The following MBD5 variants were observed in gnomAD, a reference collection of about 807,000 sequenced individuals.
The protein encoded by MBD5 is methyl-CpG binding domain protein 5.
A neutral mutation model predicts 117.3 loss-of-function variants in MBD5; 13 were observed. The observed-to-expected ratio is 0.11, with a 90% CI of 0.07 to 0.18. MBD5 has a LOEUF of 0.18. Among genes scored for constraint, MBD5 ranks in the 10% least tolerant of loss-of-function variants. The pLI, the probability that MBD5 is intolerant of heterozygous loss-of-function variation, is 1.00. For missense variants in MBD5, 1,879 were observed against 2,093.8 expected (o/e 0.90, Z 2.00); for synonymous variants, 727 against 766.4 (o/e 0.95, Z 0.85).
At chr2:148,098,536 G>A (rs184294544) in intron 1 of MBD5, among the ~76,000 whole-genome samples, 2 of 152,160 alleles carry the variant, frequency 1.3e-5, no homozygotes, top group African/African-American at 4.8e-5. Context: ...GGTGTATGAC[G>A]GAGCCCGGTG....
At chr2:148,455,639 T>A (rs1706856949) in intron 4 of MBD5, among the ~76,000 whole-genome samples, 1 of 151,810 alleles carries the variant, frequency 6.6e-6, no homozygotes, top group Non-Finnish European at 1.5e-5. Flanking sequence ...ATTACTGAAA[T>A]GTGAGGGAAG....
intron 8 of MBD5, 135 bp downstream of exon 8, chr2:148,470,596 T>G (rs1680764979): frequency 1.4e-6 from 1 of 722,578 alleles, no homozygotes. Context: ...TCTTTAGTAT[T>G]TATAATTTTA....
chr2:148,387,610 C>A (rs530990705), intron 4 of MBD5, among the ~76,000 whole-genome samples: 4 of 151,634 alleles, frequency 2.6e-5, no homozygotes, highest in East Asian at 3.9e-4. Context: ...AAGGACATGA[C>A]AAATGAAAAT....
chr2:148,381,379 T>C (rs12463713), intron 4 of MBD5, among the ~76,000 whole-genome samples: 97,219 of 151,908 alleles, frequency 0.64, 31,412 homozygotes, highest in East Asian at 0.75. Context: ...CAATGGAAGA[T>C]GAAATGAATG....
intron 1 of MBD5, among the ~76,000 whole-genome samples, chr2:148,040,119 A>G (rs935389161): frequency 6.6e-5 from 10 of 152,150 alleles, no homozygotes; most frequent in Non-Finnish European, 1.2e-4. Flanking sequence ...CTGTGCACCA[A>G]ACTCCTGTGA....
At chr2:148,115,640 A>G (rs1696618112) in intron 1 of MBD5, among the ~76,000 whole-genome samples, 1 of 152,034 alleles carries the variant, frequency 6.6e-6, no homozygotes. Context: ...TACTAAGAAT[A>G]GTTACTATTT....
At chr2:148,356,887 C>CTCTCT (rs142203176) in intron 4 of MBD5, among the ~76,000 whole-genome samples, 1 of 150,864 alleles carries the variant, frequency 6.6e-6, no homozygotes, top group Non-Finnish European at 1.5e-5. Flanking sequence ...CACATTTTTT[C>CTCTCT]TCTTTTCTTT....
chr2:148,373,706 T>C (rs188906986), intron 4 of MBD5, among the ~76,000 whole-genome samples: 1 of 152,150 alleles, frequency 6.6e-6, no homozygotes, highest in East Asian at 1.9e-4. Flanking sequence ...GTAACATTTA[T>C]TAGAAGATTG....
At chr2:148,297,557 A>T (rs772425251) in intron 3 of MBD5, among the ~76,000 whole-genome samples, 9 of 152,148 alleles carry the variant, frequency 5.9e-5, no homozygotes, top group Non-Finnish European at 1.0e-4. Flanking sequence ...CCAGGGAACA[A>T]ACTGCTGTAG....
intron 10 of MBD5, among the ~76,000 whole-genome samples, chr2:148,487,897 G>A (rs1306491644): frequency 6.6e-6 from 1 of 152,230 alleles, no homozygotes; most frequent in Non-Finnish European, 1.5e-5. Context: ...TTTGAAGAAT[G>A]TAAGAGAAAT....
At chr2:148,188,739 A>C (rs374807688) in intron 2 of MBD5, among the ~76,000 whole-genome samples, 69 of 152,066 alleles carry the variant, frequency 4.5e-4, no homozygotes, top group African/African-American at 1.6e-3. Flanking sequence ...TTAAAAATAA[A>C]AGAACAGGGA....
chr2:148,458,896 T>A (rs1706969029), intron 5 of MBD5, 25 bp downstream of exon 5: 1 of 1,572,022 alleles, frequency 6.4e-7, no homozygotes, highest in African/African-American at 1.4e-5. Context: ...TTACCTGTGG[T>A]ACCTGCAAAG....
chr2:148,215,500 G>GTTTGTT (rs764459766), intron 2 of MBD5, among the ~76,000 whole-genome samples: 2 of 151,944 alleles, frequency 1.3e-5, no homozygotes, highest in Non-Finnish European at 2.9e-5. Context: ...TTGTTTGTTT[G>GTTTGTT]TTTGTTTTTG....
intron 3 of MBD5, among the ~76,000 whole-genome samples, chr2:148,259,864 C>T (rs562662885): frequency 3.3e-5 from 5 of 152,226 alleles, no homozygotes; most frequent in South Asian, 2.1e-4. Context: ...CTGACTGAAG[C>T]GCAGCCATTT....
At chr2:148,384,196 G>A (rs1430197811) in intron 4 of MBD5, among the ~76,000 whole-genome samples, 1 of 152,124 alleles carries the variant, frequency 6.6e-6, no homozygotes, top group Non-Finnish European at 1.5e-5. Flanking sequence ...TGACATGATT[G>A]TATATCTAGA....
chr2:148,089,090 C>T (rs910225484), intron 1 of MBD5, among the ~76,000 whole-genome samples: 37 of 152,108 alleles, frequency 2.4e-4, no homozygotes, highest in Non-Finnish European at 4.4e-4. Flanking sequence ...AAAGTAACAA[C>T]AGTTTAAAAG....
intron 1 of MBD5, among the ~76,000 whole-genome samples, chr2:148,111,070 T>A (rs1347310219): frequency 6.6e-6 from 1 of 152,146 alleles, no homozygotes; most frequent in Non-Finnish European, 1.5e-5. Context: ...TATTTTTTAA[T>A]GTAAGGACAT....
chr2:148,085,916 C>T (rs1033791157), intron 1 of MBD5, among the ~76,000 whole-genome samples: 11 of 152,088 alleles, frequency 7.2e-5, no homozygotes, highest in Non-Finnish European at 1.0e-4. Context: ...AGAAAATTTA[C>T]GTAAATGTAT....
chr2:148,104,710 G>A (rs982286729), intron 1 of MBD5, among the ~76,000 whole-genome samples: 9 of 152,028 alleles, frequency 5.9e-5, no homozygotes, highest in Non-Finnish European at 1.2e-4. Context: ...CTTGACTTTT[G>A]GGTGGACTCT....
Sources: allele counts gnomAD v4.1 joint callset (sites outside exome capture counted in the v4.1 genomes callset), GRCh38; gene constraint gnomAD v4.1.1; transcripts MANE v1.5; gene names NCBI Gene and HGNC (gene_info 2026-07-23, HGNC 2026-07-21).